Variants in RGS9 observed in about 807,000 individuals in gnomAD.
The protein encoded by RGS9 is regulator of G protein signaling 9, also known as regulator of G-protein signalling 9.
RGS9 carries 78 observed loss-of-function variants against 102.0 expected under a neutral mutation model. The ratio of observed to expected loss-of-function variants is 0.76; its 90% CI spans 0.64 to 0.92. RGS9 has a LOEUF of 0.92. Ranked by LOEUF, RGS9 falls within the 40% of genes least tolerant of loss-of-function variation. The probability of loss-of-function intolerance (pLI) is 0.00; values close to 1 mark genes in which losing one functional copy is unlikely to be tolerated. For synonymous variants in RGS9, 353 were observed against 318.6 expected, an observed-to-expected ratio of 1.11 and a Z score of -1.15; for missense variants, 833 against 866.1, an observed-to-expected ratio of 0.96 and a Z score of 0.48.
intron 1 of RGS9, among the ~76,000 whole-genome samples, chr17:65,139,878 G>A (rs1045816071): frequency 2.0e-5 from 3 of 152,200 alleles, no homozygotes; most frequent in Admixed American, 6.5e-5. Context: ...GGTCTCAAGA[G>A]CCCATGCCAG....
intron 1 of RGS9, among the ~76,000 whole-genome samples, chr17:65,143,536 C>T (rs73345883): frequency 0.058 from 8,807 of 152,192 alleles, 419 homozygotes; most frequent in African/African-American, 0.13. Flanking sequence ...TATCCCAGCA[C>T]TTTGGGAGGC....
Position 65,188,968 on chromosome 17 carries a change from C to G in RGS9, c.655-318C>G, listed in dbSNP as rs555702949. On this transcript the variant is annotated intron_variant, in intron 9 of 18. Coordinates refer to ENST00000262406, the MANE Select transcript of RGS9 (RefSeq NM_003835.4). ...CAGACAGGAATCTGTATCTCTCACT[C>G]TACAGATCATTCTGTAGGCACTATG... 1.1e-3 allele frequency: 453 copies of G among 420,776 alleles called. 10 individuals carry two copies. Among genetic ancestry groups the G allele is most frequent in the South Asian group, 0.01 (437 of 42,044 alleles). 26.1% of individuals were successfully genotyped at this position (420,776 alleles called of 1,614,324 possible). A position where few individuals can be genotyped will look rare whatever the true frequency, so the allele number is the denominator to read the frequency against.
intron 1 of RGS9, among the ~76,000 whole-genome samples, chr17:65,151,536 A>G (rs956234101): frequency 6.6e-6 from 1 of 152,186 alleles, no homozygotes; most frequent in Non-Finnish European, 1.5e-5. Flanking sequence ...TCTCCCTGAC[A>G]TTCATGGCTC....
chr17:65,179,284 C>A (rs1475753492), intron 9 of RGS9, among the ~76,000 whole-genome samples: 3 of 152,068 alleles, frequency 2.0e-5, no homozygotes, highest in Non-Finnish European at 4.4e-5. Flanking sequence ...ACCGGGGGAA[C>A]CATTAGGTCT....
At chr17:65,142,795 C>T (rs555809055) in intron 1 of RGS9, among the ~76,000 whole-genome samples, 2 of 152,164 alleles carry the variant, frequency 1.3e-5, no homozygotes, top group African/African-American at 4.8e-5. Flanking sequence ...GTTGGTCAGG[C>T]TGGTCTCAAA....
intron 9 of RGS9, among the ~76,000 whole-genome samples, chr17:65,184,079 G>A (rs1212321584): frequency 6.6e-6 from 1 of 152,220 alleles, no homozygotes; most frequent in Non-Finnish European, 1.5e-5. Flanking sequence ...CTCCAGGAGG[G>A]CCGGCAGCTG....
intron 8 of RGS9, among the ~76,000 whole-genome samples, chr17:65,177,192 G>A (rs191626966): frequency 8.5e-4 from 115 of 134,874 alleles, no homozygotes; most frequent in African/African-American, 2.5e-3. Flanking sequence ...CCATCCATCC[G>A]TTTATTCACC....
intron 7 of RGS9, among the ~76,000 whole-genome samples, chr17:65,164,905 T>C (rs998550300): frequency 2.6e-5 from 4 of 152,370 alleles, no homozygotes; most frequent in South Asian, 2.1e-4. Flanking sequence ...ATTGTCACCC[T>C]TCATTTCTAC....
intron 8 of RGS9, among the ~76,000 whole-genome samples, chr17:65,174,645 G>A (rs1254343921): frequency 2.0e-5 from 3 of 152,042 alleles, no homozygotes; most frequent in East Asian, 1.9e-4. Flanking sequence ...CAGTATGCAC[G>A]TGTGTGAGTG....
In RGS9 at chr17:65,160,844, T is replaced by C. The variant is rs1416228362; in HGVS notation, c.365-7T>C. On this transcript the variant is annotated splice_region_variant and splice_polypyrimidine_tract_variant and intron_variant, in intron 5 of 18. Transcript: ENST00000262406. ...ATGATGGAAAATGTCATTGCTTTCT[T>C]TTCCAGCCATCTATCTGGCCAAGCG... The C allele has an allele frequency of 6.2e-7, 1 of 1,613,714 alleles. No homozygotes were observed.
At chr17:65,166,929 T>C (rs1159626481) in intron 7 of RGS9, among the ~76,000 whole-genome samples, 2 of 152,222 alleles carry the variant, frequency 1.3e-5, no homozygotes, top group African/African-American at 2.4e-5. Flanking sequence ...GCTCCCTGAG[T>C]GTTATGATGT....
At chr17:65,210,745 C>G (rs949260522) in intron 17 of RGS9, 140 bp downstream of exon 17, 1 of 1,439,002 alleles carries the variant, frequency 6.9e-7, no homozygotes, top group Non-Finnish European at 9.4e-7. Context: ...AGGTTCCATT[C>G]CCCATTTGTG....
intron 9 of RGS9, among the ~76,000 whole-genome samples, chr17:65,183,741 GC>G (rs1014237367): frequency 2.0e-5 from 3 of 152,114 alleles, no homozygotes; most frequent in Admixed American, 1.3e-4. Flanking sequence ...GGCTTGCTTG[GC>G]CCCCCACCTG....
At chr17:65,179,787 C>T (rs1044771663) in intron 9 of RGS9, among the ~76,000 whole-genome samples, 5 of 151,940 alleles carry the variant, frequency 3.3e-5, no homozygotes, top group African/African-American at 7.3e-5. Context: ...GACCAGATTA[C>T]TGTCTTTACT....
chr17:65,190,056 T>C (rs1225060605), intron 10 of RGS9, 119 bp from the exon 11 acceptor site: 2 of 830,756 alleles, frequency 2.4e-6, no homozygotes, highest in African/African-American at 3.3e-5. Context: ...GGGGGCTGGC[T>C]CTGGGCATGG....
chr17:65,190,348 T>C, intron 11 of RGS9, 112 bp downstream of exon 11: 1 of 877,116 alleles, frequency 1.1e-6, no homozygotes, highest in East Asian at 2.4e-5. Flanking sequence ...TCAGCAGAAC[T>C]GTGAGGGACA....
Position 65,137,577 on chromosome 17 carries a change from A to G in RGS9, c.37A>G (p.Arg13Gly). Reference protein sequence around the residue: ...IRHQGQQYRPRMAFLQKIEAL... With the variant: ...IRHQGQQYRPGMAFLQKIEAL... ...ACACCAAGGCCAGCAGTACAGGCCGAGGATGGCATTTCTCCAAAAGGTAAC... is the reference window on the plus strand; with the variant it reads ...ACACCAAGGCCAGCAGTACAGGCCGGGGATGGCATTTCTCCAAAAGGTAAC... The change falls in exon 1 of 19, where the codon AGG (arginine) becomes GGG (glycine). Residue 13 changes from arginine to glycine, a missense_variant. Physicochemically the swap from Arg to Gly is moderately radical, Grantham distance 125. This residue lies in a region of RGS9 where 328 missense variants were observed against 340.6 expected (regional missense o/e 0.96). Coordinates refer to ENST00000262406, the MANE Select transcript of RGS9 (RefSeq NM_003835.4). 1 of 1,613,278 alleles carries G rather than the reference A, an allele frequency of 6.2e-7. No individual in the cohort carries two copies. The highest frequency in any genetic ancestry group is 8.5e-7 in the Non-Finnish European group (1 of 1,180,010).
intron 9 of RGS9, among the ~76,000 whole-genome samples, chr17:65,182,108 A>G (rs1911907427): frequency 1.3e-5 from 2 of 151,972 alleles, no homozygotes; most frequent in Admixed American, 6.5e-5. Context: ...TCAGAACCTC[A>G]GTCTACACTG....
At chr17:65,202,261 G>A (rs1006709955) in intron 14 of RGS9, among the ~76,000 whole-genome samples, 181 bp downstream of exon 14, 1 of 152,044 alleles carries the variant, frequency 6.6e-6, no homozygotes, top group Admixed American at 6.6e-5. Flanking sequence ...GGAGGTTTGG[G>A]GGTTCCCTGA....
Sources: allele counts gnomAD v4.1 joint callset (sites outside exome capture counted in the v4.1 genomes callset), GRCh38; gene constraint gnomAD v4.1.1; regional missense constraint gnomAD v4.1.1; transcripts MANE v1.5; gene names NCBI Gene and HGNC (gene_info 2026-07-23, HGNC 2026-07-21).